The following CFAP65 variants were observed in gnomAD, a reference collection of about 807,000 sequenced individuals.
CFAP65 encodes the protein cilia and flagella associated protein 65.
In CFAP65, 155 loss-of-function variants were observed where a neutral mutation model predicts 208.0. That is an observed-to-expected ratio of 0.75 (90% CI 0.65 to 0.85). The LOEUF (loss-of-function observed/expected upper bound fraction) is 0.85, where lower values mean the gene tolerates loss of function less well. Among genes scored for constraint, CFAP65 ranks in the 40% least tolerant of loss-of-function variants. The probability of loss-of-function intolerance (pLI) is 0.00; values close to 1 mark genes in which losing one functional copy is unlikely to be tolerated. For synonymous variants in CFAP65, 970 were observed against 986.3 expected (o/e 0.98, Z 0.31); for missense variants, 2,294 against 2,451.3 (o/e 0.94, Z 1.36).
Position 219,040,533 on chromosome 2 carries a change from T to C in CFAP65, c.-17A>G. 1 of 1,515,154 alleles carries C rather than the reference T, an allele frequency of 6.6e-7. No individual in the cohort carries two copies. Among genetic ancestry groups the C allele is most frequent in the East Asian group, 2.5e-5 (1 of 40,780 alleles). 93.9% of individuals were successfully genotyped at this position (1,515,154 alleles called of 1,614,324 possible). ...AAGGCTCCTACCTCCAATTGTGAAC[T>C]GGACGTTCAGATGAAATCAAAGAAA... On this transcript the variant is annotated 5_prime_UTR_variant, in exon 2 of 35. Transcript: ENST00000341552.
Position 219,002,884 on chromosome 2 carries a change from A to C in CFAP65, c.*53T>G. 7.0e-7 allele frequency: 1 copy of C among 1,428,466 alleles called. No individual in the cohort carries two copies. Among genetic ancestry groups the C allele is most frequent in the Non-Finnish European group, 9.7e-7 (1 of 1,033,808 alleles). 88.5% of individuals were successfully genotyped at this position (1,428,466 alleles called of 1,614,324 possible). On this transcript the variant is annotated 3_prime_UTR_variant, in exon 35 of 35. Transcript: ENST00000341552. This position sits in a 1 kb window ranked among gnomAD's most constrained non-coding sequence, Gnocchi z 7.9. ...CTAGATGCTTTTACTGGCGGTGGAG[A>C]GGGGGCCAGGCGTGACCCCTAGCGG...
In CFAP65 at chr2:219,032,577, A is replaced by C. The variant is rs368220505; in HGVS notation, c.543-5T>G. On this transcript the variant is annotated splice_region_variant and splice_polypyrimidine_tract_variant and intron_variant, in intron 5 of 34. Transcript: ENST00000341552. The surrounding 1 kb of genome is among the most constrained non-coding windows in gnomAD (Gnocchi z 5.5). The stretch of plus-strand genomic sequence containing the variant: ...AAGAACTTGGTCTTGGGGGGCCTGC[A>C]GGAGAGAGCCGGTGGGGAGCACCTC... The C allele has an allele frequency of 1.1e-5, 18 of 1,589,882 alleles. No homozygotes were observed. The African/African-American group carries it at 2.3e-4, about 20-fold the overall frequency.
chr2:219,020,047 G>GCT, intron 19 of CFAP65, among the ~76,000 whole-genome samples: 1 of 145,094 alleles, frequency 6.9e-6, no homozygotes, highest in South Asian at 2.2e-4. Flanking sequence ...ATACAATTCA[G>GCT]TTTTTTTTTT....
At chr2:219,005,584 G>T (rs1265589703) in intron 31 of CFAP65, 22 bp from the exon 32 acceptor site, 1 of 1,610,380 alleles carries the variant, frequency 6.2e-7, no homozygotes. Context: ...ATGACATTCT[G>T]AGTGGCCTGG....
rs745741047 is a variant in CFAP65 at position 219,011,031 on chromosome 2, A to G, written c.3958-35T>C. 4.5e-6 allele frequency: 7 copies of G among 1,562,634 alleles called. No individual in the cohort carries two copies. The African/African-American group carries it at 9.5e-5, about 21-fold the overall frequency. On this transcript the variant is annotated intron_variant, in intron 24 of 34. Coordinates refer to ENST00000341552, the MANE Select transcript of CFAP65 (RefSeq NM_194302.4). The stretch of plus-strand genomic sequence containing the variant: ...GCAGGAATAGGAAAATTGCCACATC[A>G]GCTCAGCACTGCAAATCAGAAAGCC...
rs138578460 is a variant in CFAP65, at chr2:219,021,275, G to T, written c.3136C>A (p.Gln1046Lys). Reference protein sequence around the residue: ...EAVDNHPLALQLDRTEGSMPP... With the variant: ...EAVDNHPLALKLDRTEGSMPP... ...ATGCTCCCCTCTGTTCGGTCCAGCT[G>T]CAGAGCTGCTCAGGGATGATGCCGG... The change falls in exon 19 of 35, where the codon CAG becomes AAG. Residue 1046 changes from glutamine (Q) to lysine (K), a missense_variant. Physicochemically the swap from Gln to Lys is moderately conservative, Grantham distance 53 (BLOSUM62 1). This residue lies in a region of CFAP65 where 1,427 missense variants were observed against 1,438.7 expected (regional missense o/e 0.99). Coordinates refer to ENST00000341552, the MANE Select transcript of CFAP65 (RefSeq NM_194302.4). 29 of 1,590,746 alleles carry T rather than the reference G, an allele frequency of 1.8e-5. No individual in the cohort carries two copies. Among genetic ancestry groups the T allele is most frequent in the Admixed American group, 5.2e-5 (3 of 57,762 alleles).
chr2:219,021,287 A>G lies in CFAP65; in HGVS notation c.3131-7T>C. 6.4e-7 allele frequency: 1 copy of G among 1,571,412 alleles called. No individual in the cohort carries two copies. The highest frequency in any genetic ancestry group is 8.6e-7 in the Non-Finnish European group (1 of 1,157,120). On this transcript the variant is annotated splice_region_variant and splice_polypyrimidine_tract_variant and intron_variant, in intron 18 of 34. Transcript: ENST00000341552. ...GTTCGGTCCAGCTGCAGAGCTGCTC[A>G]GGGATGATGCCGGAGGGTCAGTGGG...
chr2:219,032,675 T>G lies in CFAP65; in HGVS notation c.543-103A>C. 8 of 980,856 alleles carry G rather than the reference T, an allele frequency of 8.2e-6. No individual in the cohort carries two copies. The highest frequency in any genetic ancestry group is 3.2e-5 in the South Asian group (2 of 63,266). The allele number at this position is 980,856 out of a possible 1,614,324, so 60.8% of individuals were successfully genotyped here. On this transcript the variant is annotated intron_variant, in intron 5 of 34. Transcript: ENST00000341552. This position sits in a 1 kb window ranked among gnomAD's most constrained non-coding sequence, Gnocchi z 5.5. Reference sequence around the variant, plus strand: ...CTGCAGCCAAGGGAGCTTGAGTCCCTGGGACCACAGAGAAAGCGATCAGGA... The same window carrying G: ...CTGCAGCCAAGGGAGCTTGAGTCCCGGGGACCACAGAGAAAGCGATCAGGA...
intron 10 of CFAP65, 21 bp from the exon 11 acceptor site, chr2:219,029,689 A>G: frequency 6.2e-7 from 1 of 1,607,210 alleles, no homozygotes; most frequent in Non-Finnish European, 8.5e-7. Context: ...GAGATGGGGT[A>G]TCAGCTTCCC....
At chr2:219,005,603 C>T in intron 31 of CFAP65, 41 bp from the exon 32 acceptor site, 1 of 1,607,008 alleles carries the variant, frequency 6.2e-7, no homozygotes, top group South Asian at 1.1e-5. Flanking sequence ...GGGCAAGCCA[C>T]CATGCTGGGG....
rs537992850 is a variant in CFAP65 at position 219,003,194 on chromosome 2, C to T, written c.5634G>A (p.Gly1878=). ...IQNILVEASR[G]EVVLTSRPRV... ...GTGGCCGCGAGGTGAGTACCACCTC[C>T]CCGCGGCTCGCCTCCACCAGGATGT... The change falls in exon 34 of 35, where the codon GGG becomes GGA. Residue 1878 remains glycine (G), a synonymous_variant. Transcript: ENST00000341552. This position sits in a 1 kb window ranked among gnomAD's most constrained non-coding sequence, Gnocchi z 4.4. The T allele has an allele frequency of 2.6e-6, 4 of 1,548,534 alleles. No individual in the cohort carries two copies. Among genetic ancestry groups the T allele is most frequent in the South Asian group, 1.2e-5 (1 of 83,970 alleles).
intron 17 of CFAP65, 83 bp from the exon 18 acceptor site, chr2:219,022,013 C>T: frequency 6.4e-7 from 1 of 1,574,332 alleles, no homozygotes; most frequent in Non-Finnish European, 8.6e-7. Flanking sequence ...TTCAGAGCAT[C>T]CCCCAAGGAA....
At chr2:219,022,879 C>T (rs1947359232) in intron 16 of CFAP65, among the ~76,000 whole-genome samples, 1 of 152,226 alleles carries the variant, frequency 6.6e-6, no homozygotes, top group Non-Finnish European at 1.5e-5. Context: ...TGCTGCAACC[C>T]ACCCTCCCAA....
chr2:219,011,057 T>C (rs981046853), intron 24 of CFAP65, 61 bp from the exon 25 acceptor site: 8 of 1,483,584 alleles, frequency 5.4e-6, no homozygotes, highest in Middle Eastern at 2.2e-4. Context: ...TCAGAAAGCC[T>C]GGGATGCTGT....
At chr2:219,025,353 G>C (rs1490486886) in intron 14 of CFAP65, among the ~76,000 whole-genome samples, 1 of 152,174 alleles carries the variant, frequency 6.6e-6, no homozygotes, top group East Asian at 1.9e-4. Context: ...AGGTGGTAGG[G>C]GGAACAGAAT....
chr2:219,015,812 T>C (rs1483291121), intron 21 of CFAP65: 1 of 152,052 alleles, frequency 6.6e-6, no homozygotes, highest in Non-Finnish European at 1.5e-5. Flanking sequence ...AATAGAGGAG[T>C]GATTTAACGA....
chr2:219,028,105 C>T (rs1051682229), intron 12 of CFAP65, 96 bp from the exon 13 acceptor site: 57 of 1,554,232 alleles, frequency 3.7e-5, no homozygotes, highest in Non-Finnish European at 4.7e-5. Flanking sequence ...CTACACCAGT[C>T]GCCCTGACTA....
chr2:219,008,955 C>T, intron 29 of CFAP65, 92 bp downstream of exon 29: 1 of 1,060,022 alleles, frequency 9.4e-7, no homozygotes, highest in Non-Finnish European at 1.4e-6. Context: ...CTGGTTTGGC[C>T]TGGAGGGCCA....
Position 219,023,488 on chromosome 2 carries a change from C to G in CFAP65, c.2596-57G>C, listed in dbSNP as rs149831839. 1,270 of 1,277,232 alleles carry G rather than the reference C, an allele frequency of 9.9e-4. 1 individual carries two copies. Among genetic ancestry groups the G allele is most frequent in the Non-Finnish European group, 1.3e-3 (1,178 of 913,026 alleles). The allele number at this position is 1,277,232 out of a possible 1,614,324, so 79.1% of individuals were successfully genotyped here. On this transcript the variant is annotated intron_variant, in intron 15 of 34. Coordinates refer to ENST00000341552, the MANE Select transcript of CFAP65 (RefSeq NM_194302.4). The stretch of plus-strand genomic sequence containing the variant: ...ACCTCACTCTGCAGTCCCAGCCCCC[C>G]ACAACATGTCCAGGAAGCCATGGCT...
Sources: gnomAD v4.1 joint callset for allele counts (sites outside exome capture counted in the v4.1 genomes callset) on GRCh38, gnomAD v4.1.1 for gene constraint, gnomAD v4.1.1 regional missense constraint, Gnocchi (gnomAD v3.1) non-coding constraint, MANE v1.5 for transcripts, NCBI Gene and HGNC (gene_info 2026-07-23, HGNC 2026-07-21) for gene names.